CDH1: variants seen among roughly 807,000 people sequenced by gnomAD.
CDH1 encodes the protein cadherin 1.
A neutral mutation model predicts 84.5 loss-of-function variants in CDH1; 35 were observed. The observed-to-expected ratio is 0.41, with a 90% confidence interval of 0.32 to 0.55. The LOEUF (loss-of-function observed/expected upper bound fraction) is 0.55. CDH1 is among the 20% of genes least tolerant of loss of function. CDH1 has a pLI of 0.19. For missense variants in CDH1, 994 were observed against 1,126.6 expected (o/e 0.88, Z 1.68); for synonymous variants, 417 against 439.0 (o/e 0.95, Z 0.63).
At chr16:68,810,112 G>A (rs1960775981) in intron 5 of CDH1, 85 bp from the exon 6 acceptor site, 10 of 1,455,748 alleles carry the variant, frequency 6.9e-6, no homozygotes, top group Middle Eastern at 4.3e-4. Flanking sequence ...GGCAGCCAGG[G>A]GGGCGCACTC....
chr16:68,811,200 C>T (rs1675525162), intron 6 of CDH1, among the ~76,000 whole-genome samples: 4 of 151,990 alleles, frequency 2.6e-5, no homozygotes, highest in Admixed American at 2.6e-4. Flanking sequence ...GAGTTTGAGA[C>T]CAGCCTGACC....
At chr16:68,760,539 G>A (rs1963140598) in intron 2 of CDH1, among the ~76,000 whole-genome samples, 1 of 152,018 alleles carries the variant, frequency 6.6e-6, no homozygotes, top group South Asian at 2.1e-4. Context: ...TTTATAACAG[G>A]CCTTGGAGAA....
chr16:68,771,718 C>A (rs1324022751), intron 2 of CDH1, among the ~76,000 whole-genome samples: 1 of 151,074 alleles, frequency 6.6e-6, no homozygotes, highest in Non-Finnish European at 1.5e-5. Flanking sequence ...CACCACTACA[C>A]TCCAGCCTGG....
At chr16:68,777,701 C>G (rs1567490624) in intron 2 of CDH1, among the ~76,000 whole-genome samples, 2 of 151,678 alleles carry the variant, frequency 1.3e-5, no homozygotes, top group African/African-American at 4.8e-5. Context: ...CACCACCACA[C>G]CTGGCTAATT....
intron 2 of CDH1, among the ~76,000 whole-genome samples, chr16:68,790,119 G>A (rs145232129): frequency 1.3e-5 from 2 of 152,268 alleles, no homozygotes; most frequent in Non-Finnish European, 2.9e-5. Flanking sequence ...GACCCTGAAT[G>A]GAAATGATGT....
chr16:68,793,384 T>C (rs936975769), intron 2 of CDH1, among the ~76,000 whole-genome samples: 1 of 152,152 alleles, frequency 6.6e-6, no homozygotes, highest in African/African-American at 2.4e-5. Context: ...GCTTTTGCCG[T>C]TATTCTCATT....
chr16:68,765,521 G>C (rs1339853118), intron 2 of CDH1: 1 of 151,998 alleles, frequency 6.6e-6, no homozygotes, highest in Non-Finnish European at 1.5e-5. Flanking sequence ...GGGGGGATTT[G>C]GTCAATGATT....
intron 2 of CDH1, among the ~76,000 whole-genome samples, chr16:68,756,893 A>C (rs1439320530): frequency 1.3e-5 from 2 of 152,046 alleles, no homozygotes; most frequent in East Asian, 3.9e-4. Flanking sequence ...TCCCAGCTTC[A>C]TGGGAGGCTG....
At chr16:68,781,820 G>A (rs1228060681) in intron 2 of CDH1, among the ~76,000 whole-genome samples, 1 of 152,118 alleles carries the variant, frequency 6.6e-6, no homozygotes, top group South Asian at 2.1e-4. Flanking sequence ...TTGAGAGACT[G>A]TTGAAGACCA....
intron 2 of CDH1, among the ~76,000 whole-genome samples, chr16:68,787,982 C>T (rs554652995): frequency 7.2e-5 from 11 of 152,180 alleles, no homozygotes; most frequent in South Asian, 6.2e-4. Context: ...TGTGCCACCA[C>T]GCCCCGCTAA....
intron 2 of CDH1, among the ~76,000 whole-genome samples, chr16:68,761,001 A>C (rs1959215845): frequency 6.6e-6 from 1 of 152,186 alleles, no homozygotes; most frequent in Non-Finnish European, 1.5e-5. Context: ...GTATATTTGG[A>C]TGGTGACTCA....
chr16:68,781,780 A>G (rs1959885950), intron 2 of CDH1, among the ~76,000 whole-genome samples: 1 of 152,146 alleles, frequency 6.6e-6, no homozygotes, highest in Non-Finnish European at 1.5e-5. Context: ...CCCTCAGTAT[A>G]TCTTTAATCC....
At chr16:68,817,780 A>T (rs756306299) in intron 10 of CDH1, among the ~76,000 whole-genome samples, 1 of 152,228 alleles carries the variant, frequency 6.6e-6, no homozygotes, top group Non-Finnish European at 1.5e-5. Context: ...TGTCAGTGAC[A>T]GAAAAGAAAG....
chr16:68,800,255 A>T (rs951029211), intron 2 of CDH1, among the ~76,000 whole-genome samples: 1 of 151,892 alleles, frequency 6.6e-6, no homozygotes, highest in African/African-American at 2.4e-5. Flanking sequence ...CCATGAGACT[A>T]ACCCATGTTA....
At chr16:68,831,224 A>G (rs911939066) in intron 15 of CDH1, among the ~76,000 whole-genome samples, 1 of 146,098 alleles carries the variant, frequency 6.8e-6, no homozygotes, top group Admixed American at 6.8e-5. Context: ...GCCTACAGGC[A>G]CCTGCCATCA....
chr16:68,741,191 C>T (rs1962554530), intron 2 of CDH1, among the ~76,000 whole-genome samples: 1 of 151,990 alleles, frequency 6.6e-6, no homozygotes, highest in African/African-American at 2.4e-5. Flanking sequence ...CAGACCCCCA[C>T]CCCCACACAA....
chr16:68,741,871 A>G (rs895918090), intron 2 of CDH1, among the ~76,000 whole-genome samples: 1 of 152,110 alleles, frequency 6.6e-6, no homozygotes, highest in Non-Finnish European at 1.5e-5. Context: ...GGATTTCATC[A>G]TATTGGTCAG....
intron 2 of CDH1, among the ~76,000 whole-genome samples, chr16:68,753,415 T>C (rs932890408): frequency 2.0e-5 from 3 of 149,308 alleles, no homozygotes; most frequent in African/African-American, 7.7e-5. Flanking sequence ...GGTGCAATCT[T>C]GGCTCACTGC....
At chr16:68,774,188 A>G (rs1184221383) in intron 2 of CDH1, among the ~76,000 whole-genome samples, 1 of 152,170 alleles carries the variant, frequency 6.6e-6, no homozygotes, top group Admixed American at 6.6e-5. Context: ...TGCTGGAATT[A>G]CAGGCATGAG....
Sources: gnomAD v4.1 joint callset for allele counts (sites outside exome capture counted in the v4.1 genomes callset) on GRCh38, gnomAD v4.1.1 for gene constraint, MANE v1.5 for transcripts, NCBI Gene and HGNC (gene_info 2026-07-23, HGNC 2026-07-21) for gene names.